Variants in ANKRD62 observed in about 807,000 individuals in gnomAD.
ANKRD62 encodes ankyrin repeat domain-containing protein 62.
ANKRD62 carries 61 observed loss-of-function variants against 98.8 expected under a neutral mutation model. The ratio of observed to expected loss-of-function variants is 0.62; its 90% CI spans 0.50 to 0.76. The LOEUF is 0.76. ANKRD62 is among the 30% of genes least tolerant of loss of function. The pLI is 0.00. For synonymous variants in ANKRD62, 341 were observed against 367.9 expected, an observed-to-expected ratio of 0.93 and a Z score of 0.84; for missense variants, 933 against 1,082.9, an observed-to-expected ratio of 0.86 and a Z score of 1.94.
chr18:12,123,887 C>T (rs2381089), intron 11 of ANKRD62, among the ~76,000 whole-genome samples: 93,325 of 152,016 alleles, frequency 0.61, 29,087 homozygotes, highest in Middle Eastern at 0.76. Context: ...CTTTAGCTAA[C>T]AATTTTCAAC....
At chr18:12,124,011 T>G in intron 11 of ANKRD62, 126 bp from the exon 12 acceptor site, 1 of 502,818 alleles carries the variant, frequency 2.0e-6, no homozygotes, top group Non-Finnish European at 3.3e-6. Flanking sequence ...GACATCGAAG[T>G]GAGAAATTAA....
rs764750110 is a variant in ANKRD62, at chr18:12,106,583, T to C, written c.892-712T>C. Among the ~76,000 whole-genome samples, 2 of 152,226 alleles carry C rather than the reference T, an allele frequency of 1.3e-5. 1 individual carries two copies. The highest frequency in any genetic ancestry group is 6.3e-3 in the Middle Eastern group (2 of 316). ...GGATTTAGATGAATCATTTAATCTT[T>C]TTTGATAATGGGGCCAAAGTAGATA... is the stretch of plus-strand genomic sequence containing the variant. On this transcript the variant is annotated intron_variant, in intron 7 of 13. Transcript: ENST00000587848.
chr18:12,120,563 A>G (rs1394269405), intron 10 of ANKRD62, among the ~76,000 whole-genome samples: 1 of 152,124 alleles, frequency 6.6e-6, no homozygotes, highest in Non-Finnish European at 1.5e-5. Context: ...GTAATTGGGT[A>G]TTGCTTTCTT....
intron 6 of ANKRD62, among the ~76,000 whole-genome samples, chr18:12,100,958 T>G (rs1294597626): frequency 6.6e-6 from 1 of 152,162 alleles, no homozygotes; most frequent in East Asian, 1.9e-4. Context: ...GACCGGGGGC[T>G]GCCTCTTTGA....
the ANKRD62 span, among the ~76,000 whole-genome samples, chr18:12,167,663 A>G: frequency 6.6e-6 from 1 of 152,084 alleles, no homozygotes; most frequent in African/African-American, 2.4e-5. Context: ...TAATAGGATC[A>G]CTAGGTCAAA....
chr18:12,116,158 A>G (rs1007172563), intron 10 of ANKRD62, among the ~76,000 whole-genome samples: 1 of 152,218 alleles, frequency 6.6e-6, no homozygotes, highest in Non-Finnish European at 1.5e-5. Context: ...TTTGACAGAT[A>G]CATACCCGTG....
At chr18:12,138,243 G>A in the ANKRD62 span, among the ~76,000 whole-genome samples, 3 of 152,240 alleles carry the variant, frequency 2.0e-5, no homozygotes, top group East Asian at 3.9e-4. Flanking sequence ...CTGGTATGTT[G>A]TGTCTTTGTT....
chr18:12,101,435 T>C (rs896675495), intron 6 of ANKRD62, among the ~76,000 whole-genome samples: 5 of 152,202 alleles, frequency 3.3e-5, no homozygotes, highest in African/African-American at 1.2e-4. Context: ...CTCCAAGCTT[T>C]TCTTCCTAAG....
the ANKRD62 span, among the ~76,000 whole-genome samples, chr18:12,156,872 G>A: frequency 6.6e-6 from 1 of 152,180 alleles, no homozygotes; most frequent in South Asian, 2.1e-4. Flanking sequence ...GGGTAGAAAA[G>A]TATTTTCCCT....
intron 8 of ANKRD62, among the ~76,000 whole-genome samples, chr18:12,112,608 AC>A (rs780055419): frequency 1.3e-5 from 2 of 152,182 alleles, no homozygotes; most frequent in African/African-American, 4.8e-5. Context: ...AACTATAAAA[AC>A]CCAGGAAGAC....
intron 8 of ANKRD62, among the ~76,000 whole-genome samples, chr18:12,114,294 A>G (rs1909611507): frequency 6.6e-6 from 1 of 152,252 alleles, no homozygotes; most frequent in Non-Finnish European, 1.5e-5. Context: ...ACTTAAAAAA[A>G]ATGCCAAGAT....
intron 10 of ANKRD62, among the ~76,000 whole-genome samples, chr18:12,116,857 C>T (rs771221850): frequency 4.6e-5 from 7 of 152,098 alleles, no homozygotes; most frequent in Non-Finnish European, 8.8e-5. Flanking sequence ...GGAGAATTGA[C>T]TTCTTAACAA....
chr18:12,113,410 G>A (rs904671126), intron 8 of ANKRD62, among the ~76,000 whole-genome samples: 2 of 152,126 alleles, frequency 1.3e-5, no homozygotes, highest in African/African-American at 2.4e-5. Flanking sequence ...GATGAATCAC[G>A]AGGTCAGGAG....
the ANKRD62 span, among the ~76,000 whole-genome samples, chr18:12,154,763 A>G: frequency 0.24 from 36,733 of 152,258 alleles, 4,672 homozygotes; most frequent in Middle Eastern, 0.33. Context: ...TGTGGTACAT[A>G]TACACCACAG....
intron 3 of ANKRD62, among the ~76,000 whole-genome samples, chr18:12,095,855 A>G (rs1055061128): frequency 1.6e-4 from 24 of 152,238 alleles, no homozygotes; most frequent in African/African-American, 5.3e-4. Flanking sequence ...TGTAAAATTT[A>G]GGAAACTCAT....
intron 10 of ANKRD62, among the ~76,000 whole-genome samples, chr18:12,118,165 T>C (rs1909706250): frequency 1.3e-5 from 2 of 152,326 alleles, no homozygotes; most frequent in Admixed American, 1.3e-4. Flanking sequence ...GCGTGTCATA[T>C]ACATTATTTT....
At chr18:12,136,818 T>A in the ANKRD62 span, among the ~76,000 whole-genome samples, 2 of 152,240 alleles carry the variant, frequency 1.3e-5, no homozygotes, top group African/African-American at 4.8e-5. Context: ...CAATTGTGAA[T>A]GGAAGTACAC....
At position 12,094,252 on chromosome 18, in the gene ANKRD62, G is replaced by A. The variant is rs1476845835; in HGVS notation, c.218+17G>A. 6.6e-7 allele frequency: 1 copy of A among 1,514,936 alleles called. No homozygotes were observed. The highest frequency in any genetic ancestry group is 2.5e-5 in the East Asian group (1 of 40,138). 93.8% of individuals were successfully genotyped at this position (1,514,936 alleles called of 1,614,324 possible). On this transcript the variant is annotated intron_variant, in intron 1 of 13. Transcript: ENST00000587848. The stretch of plus-strand genomic sequence containing the variant: ...GAAGAACAGGTAAGGGGAACAGGAA[G>A]CCGGGAGGAGGCCTGGGGATATGGG...
At chr18:12,146,463 TG>T in the ANKRD62 span, among the ~76,000 whole-genome samples, 2 of 152,202 alleles carry the variant, frequency 1.3e-5, no homozygotes, top group Non-Finnish European at 2.9e-5. Flanking sequence ...GTGTGTGTTT[TG>T]AGATAGAATC....
Sources: allele counts gnomAD v4.1 joint callset (sites outside exome capture counted in the v4.1 genomes callset), GRCh38; gene constraint gnomAD v4.1.1; transcripts MANE v1.5; gene names NCBI Gene and HGNC (gene_info 2026-07-23, HGNC 2026-07-21).